ADAMTS19: variants seen among roughly 807,000 people sequenced by gnomAD.
ADAMTS19 encodes ADAM metallopeptidase with thrombospondin type 1 motif 19.
In ADAMTS19, 93 loss-of-function variants were observed where a neutral mutation model predicts 153.3. The observed-to-expected ratio is 0.61, with a 90% CI of 0.51 to 0.72. The LOEUF (loss-of-function observed/expected upper bound fraction) is 0.72, where lower values mean the gene tolerates loss of function less well. ADAMTS19 is among the 30% of genes least tolerant of loss of function. The pLI is 0.00. For synonymous variants in ADAMTS19, 600 were observed against 556.6 expected, an observed-to-expected ratio of 1.08 and a Z score of -1.10; for missense variants, 1,482 against 1,552.1, an observed-to-expected ratio of 0.95 and a Z score of 0.76.
At chr5:129,656,843 G>A (rs1164352970) in intron 14 of ADAMTS19, among the ~76,000 whole-genome samples, 2 of 152,184 alleles carry the variant, frequency 1.3e-5, no homozygotes, top group Admixed American at 6.5e-5. Flanking sequence ...AACTACCAAC[G>A]TATTTAATAG....
intron 8 of ADAMTS19, among the ~76,000 whole-genome samples, chr5:129,606,006 A>G (rs1750874905): frequency 6.6e-6 from 1 of 152,172 alleles, no homozygotes; most frequent in Non-Finnish European, 1.5e-5. Flanking sequence ...AAAAAGGTCT[A>G]ATATATATAA....
rs182376390 is a variant in ADAMTS19, at chr5:129,471,045, G to C, written c.747+9288G>C. On this transcript the variant is annotated intron_variant, in intron 2 of 22. Coordinates refer to ENST00000274487, the MANE Select transcript of ADAMTS19 (RefSeq NM_133638.6). ...TTGATGTCCTGTTTCTTCAAGTGTG[G>C]TGTGTAGATATCAGGATCAAAATCA... Among the ~76,000 whole-genome samples the C allele has an allele frequency of 4.5e-3, 601 of 133,588 alleles. 1 individual carries two copies. The highest frequency in any genetic ancestry group is 0.017 in the Middle Eastern group (4 of 240). 87.6% of individuals were successfully genotyped at this position (133,588 alleles called of 152,430 possible). A position where few individuals can be genotyped will look rare whatever the true frequency, so the allele number is the denominator to read the frequency against.
At chr5:129,715,309 G>T (rs1228659697) in intron 21 of ADAMTS19, among the ~76,000 whole-genome samples, 1 of 152,098 alleles carries the variant, frequency 6.6e-6, no homozygotes, top group Non-Finnish European at 1.5e-5. Flanking sequence ...GAGAATGATT[G>T]ATATTATGGA....
intron 21 of ADAMTS19, among the ~76,000 whole-genome samples, chr5:129,709,082 A>G (rs552238657): frequency 6.6e-6 from 1 of 152,266 alleles, no homozygotes; most frequent in East Asian, 1.9e-4. Context: ...AGCATGTTGT[A>G]TTGAATAGGA....
intron 18 of ADAMTS19, among the ~76,000 whole-genome samples, chr5:129,686,932 G>A (rs1290463527): frequency 1.3e-5 from 2 of 151,986 alleles, no homozygotes; most frequent in Admixed American, 6.6e-5. Context: ...CCCTAATACT[G>A]CCCTATGACT....
chr5:129,732,523 A>G (rs544538284), intron 21 of ADAMTS19, among the ~76,000 whole-genome samples: 30 of 152,084 alleles, frequency 2.0e-4, no homozygotes, highest in Non-Finnish European at 3.8e-4. Context: ...CACAAATAGC[A>G]TTCAAACTGA....
At chr5:129,635,347 G>A (rs995071168) in intron 10 of ADAMTS19, among the ~76,000 whole-genome samples, 1 of 152,136 alleles carries the variant, frequency 6.6e-6, no homozygotes, top group African/African-American at 2.4e-5. Context: ...AAACAGTGGG[G>A]CAATTCCTCA....
rs529444004 is a variant in ADAMTS19 at position 129,645,885 on chromosome 5, A to ATTTTT, written c.1873-1863_1873-1859dup. 6.2e-4 allele frequency among the ~76,000 whole-genome samples: 60 copies of ATTTTT among 97,102 alleles called. 8 individuals are homozygous for ATTTTT. The East Asian group carries it at 0.013, about 21-fold the overall frequency. The allele number at this position is 97,102 out of a possible 152,430, so 63.7% of individuals were successfully genotyped here. ...CACATGGTTTCTTTCTCCTTTTCCA[A>ATTTTT]TTTTTTTTTTTTTTTTTTTTTGAGA... On this transcript the variant is annotated intron_variant, in intron 11 of 22. Transcript: ENST00000274487.
chr5:129,538,018 G>T (rs1180485050), intron 6 of ADAMTS19, among the ~76,000 whole-genome samples: 1 of 151,896 alleles, frequency 6.6e-6, no homozygotes, highest in Non-Finnish European at 1.5e-5. Flanking sequence ...GATGGAGAGG[G>T]GACTTATAAG....
chr5:129,465,872 GACATCAGATATTTC>G (rs1190742967), intron 2 of ADAMTS19, among the ~76,000 whole-genome samples: 1 of 152,180 alleles, frequency 6.6e-6, no homozygotes, highest in Non-Finnish European at 1.5e-5. Context: ...ATGTCATCAG[GACATCAGATATTTC>G]AAATATCTCC....
At chr5:129,547,848 C>A (rs1003400853) in intron 6 of ADAMTS19, among the ~76,000 whole-genome samples, 2 of 150,704 alleles carry the variant, frequency 1.3e-5, no homozygotes, top group Non-Finnish European at 2.9e-5. Context: ...TGGAACAGAA[C>A]AGAGCCCTCA....
intron 21 of ADAMTS19, among the ~76,000 whole-genome samples, chr5:129,704,986 G>A (rs1203891112): frequency 6.6e-6 from 1 of 152,164 alleles, no homozygotes; most frequent in Non-Finnish European, 1.5e-5. Flanking sequence ...GCCTCATATA[G>A]GGCTGTAGAA....
At chr5:129,527,983 G>A (rs1243845570) in intron 5 of ADAMTS19, 152 bp downstream of exon 5, 2 of 469,540 alleles carry the variant, frequency 4.3e-6, no homozygotes, top group Non-Finnish European at 7.7e-6. Context: ...TTTAGTTTTG[G>A]TTAATGCCCC....
At chr5:129,713,756 T>C (rs1321705681) in intron 21 of ADAMTS19, among the ~76,000 whole-genome samples, 1 of 145,662 alleles carries the variant, frequency 6.9e-6, no homozygotes, top group East Asian at 2.0e-4. Flanking sequence ...CAAGACTCTA[T>C]CTAAAAAAAA....
intron 7 of ADAMTS19, among the ~76,000 whole-genome samples, chr5:129,564,235 C>G (rs1371574217): frequency 6.6e-6 from 1 of 152,140 alleles, no homozygotes; most frequent in East Asian, 1.9e-4. Context: ...GATATATTGA[C>G]TTTGGCCTTG....
chr5:129,492,249 G>A (rs1750791973), intron 2 of ADAMTS19, among the ~76,000 whole-genome samples: 1 of 152,110 alleles, frequency 6.6e-6, no homozygotes, highest in East Asian at 1.9e-4. Flanking sequence ...TCATTATTGT[G>A]AGAACAGTAT....
chr5:129,464,683 G>T (rs533358893), intron 2 of ADAMTS19, among the ~76,000 whole-genome samples: 157 of 152,278 alleles, frequency 1.0e-3, no homozygotes, highest in African/African-American at 3.7e-3. Context: ...GTGCCAGAAT[G>T]GAGATTTTGG....
At chr5:129,524,094 A>C (rs1340519134) in intron 3 of ADAMTS19, among the ~76,000 whole-genome samples, 3 of 152,198 alleles carry the variant, frequency 2.0e-5, no homozygotes, top group African/African-American at 7.2e-5. Context: ...ATAGCATGGT[A>C]CTGGTACCAA....
intron 7 of ADAMTS19, among the ~76,000 whole-genome samples, chr5:129,571,014 C>G (rs1333479623): frequency 1.3e-5 from 2 of 151,804 alleles, no homozygotes; most frequent in East Asian, 1.9e-4. Context: ...CAGACTGAAG[C>G]AAGGCAAGGC....
Sources: gnomAD v4.1 joint callset for allele counts (sites outside exome capture counted in the v4.1 genomes callset) on GRCh38, gnomAD v4.1.1 for gene constraint, MANE v1.5 for transcripts, NCBI Gene and HGNC (gene_info 2026-07-23, HGNC 2026-07-21) for gene names.